Variants in IGSF21 observed in about 807,000 individuals in gnomAD.
IGSF21 encodes immunoglobin superfamily member 21, also known as immunoglobulin superfamily member 21.
In IGSF21, 28 loss-of-function variants were observed where a neutral mutation model predicts 46.8. The ratio of observed to expected loss-of-function variants is 0.60; its 90% confidence interval spans 0.44 to 0.82. The LOEUF (loss-of-function observed/expected upper bound fraction) is 0.82. Ranked by LOEUF, IGSF21 falls within the 40% of genes least tolerant of loss-of-function variation. IGSF21 has a pLI of 0.00. For synonymous variants in IGSF21, 284 were observed against 273.6 expected (o/e 1.04, Z -0.38); for missense variants, 624 against 665.5 (o/e 0.94, Z 0.69).
At chr1:18,276,385 A>G (rs757623956) in intron 2 of IGSF21, among the ~76,000 whole-genome samples, 10 of 152,036 alleles carry the variant, frequency 6.6e-5, no homozygotes, top group Non-Finnish European at 1.0e-4. Context: ...TAGCACCACA[A>G]TGGGATGTCT....
chr1:18,118,899 C>T (rs543990062), intron 1 of IGSF21, among the ~76,000 whole-genome samples: 2 of 150,190 alleles, frequency 1.3e-5, no homozygotes, highest in Non-Finnish European at 3.0e-5. Context: ...TCTTTCTTTC[C>T]TTCCCTCCCT....
intron 2 of IGSF21, among the ~76,000 whole-genome samples, chr1:18,240,786 C>T (rs1002131577): frequency 2.0e-5 from 3 of 152,204 alleles, no homozygotes; most frequent in African/African-American, 4.8e-5. Context: ...AATGGCATGG[C>T]CACCTGTCAA....
intron 1 of IGSF21, among the ~76,000 whole-genome samples, chr1:18,142,054 A>G (rs1255287290): frequency 6.6e-6 from 1 of 152,166 alleles, no homozygotes; most frequent in Non-Finnish European, 1.5e-5. Context: ...TGGGCAACAG[A>G]GTGATACTGT....
At position 18,257,438 on chromosome 1, in the gene IGSF21, AT is replaced by A. The variant is rs573073620; in HGVS notation, c.183+29435del. Among the ~76,000 whole-genome samples, 4 of 152,162 alleles carry A rather than the reference AT, an allele frequency of 2.6e-5. No individual in the cohort carries two copies. In the South Asian group the frequency reaches 8.3e-4, roughly 32 times the overall value. On this transcript the variant is annotated intron_variant, in intron 2 of 9. Coordinates refer to ENST00000251296, the MANE Select transcript of IGSF21 (RefSeq NM_032880.5). ...AAATCATATTTCCACCTGTCATCTA[AT>A]TTTTTTCCCCATCCAACACTATAGA...
intron 3 of IGSF21, among the ~76,000 whole-genome samples, chr1:18,305,241 G>A (rs2085407900): frequency 1.3e-5 from 2 of 151,398 alleles, no homozygotes; most frequent in Admixed American, 6.6e-5. Context: ...TGGATGAATC[G>A]ATGGATGGAT....
intron 2 of IGSF21, among the ~76,000 whole-genome samples, chr1:18,272,428 C>G (rs1335034481): frequency 1.3e-5 from 2 of 152,186 alleles, no homozygotes; most frequent in African/African-American, 4.8e-5. Context: ...TCCTCATCTG[C>G]GTGGAATAAG....
At chr1:18,171,615 C>T (rs1420666154) in intron 1 of IGSF21, among the ~76,000 whole-genome samples, 1 of 152,200 alleles carries the variant, frequency 6.6e-6, no homozygotes, top group Non-Finnish European at 1.5e-5. Context: ...ATTAATCATG[C>T]TAGAGTTGTC....
At chr1:18,277,540 A>G (rs890429432) in intron 2 of IGSF21, among the ~76,000 whole-genome samples, 2 of 152,052 alleles carry the variant, frequency 1.3e-5, no homozygotes, top group Non-Finnish European at 2.9e-5. Flanking sequence ...AGAAATGAAA[A>G]CGTGACTTTT....
At chr1:18,330,501 A>G (rs1416742309) in intron 3 of IGSF21, among the ~76,000 whole-genome samples, 3 of 152,172 alleles carry the variant, frequency 2.0e-5, no homozygotes, top group Non-Finnish European at 4.4e-5. Flanking sequence ...CTGTAGCTGG[A>G]GGAAGGGGCA....
chr1:18,223,970 T>C (rs1374239551), intron 1 of IGSF21, among the ~76,000 whole-genome samples: 1 of 152,200 alleles, frequency 6.6e-6, no homozygotes, highest in Non-Finnish European at 1.5e-5. Flanking sequence ...ATCCCTGGAA[T>C]GGAAGACACA....
intron 2 of IGSF21, among the ~76,000 whole-genome samples, chr1:18,283,516 G>T (rs907348652): frequency 3.9e-5 from 6 of 152,132 alleles, no homozygotes; most frequent in Admixed American, 1.3e-4. Context: ...AGAACAGGTG[G>T]GCAGGGAGGT....
intron 1 of IGSF21, among the ~76,000 whole-genome samples, chr1:18,142,530 G>A (rs1160682494): frequency 2.0e-5 from 3 of 152,138 alleles, no homozygotes; most frequent in Admixed American, 6.5e-5. Context: ...TGGCCCTCGG[G>A]CCCTCCCTGC....
chr1:18,269,953 G>T (rs141125838), intron 2 of IGSF21, among the ~76,000 whole-genome samples: 6 of 152,092 alleles, frequency 3.9e-5, no homozygotes, highest in Non-Finnish European at 8.8e-5. Flanking sequence ...GCATCCTTCC[G>T]GTTCTCTCAG....
chr1:18,198,812 G>A (rs569432055), intron 1 of IGSF21, among the ~76,000 whole-genome samples: 1 of 152,312 alleles, frequency 6.6e-6, no homozygotes, highest in African/African-American at 2.4e-5. Context: ...TACTGCTGGG[G>A]TGTTTTGAGG....
chr1:18,346,188 C>T (rs951656774), intron 4 of IGSF21, among the ~76,000 whole-genome samples: 2 of 152,116 alleles, frequency 1.3e-5, no homozygotes, highest in African/African-American at 2.4e-5. Context: ...GCTCTCAAAG[C>T]CAGGCAGTGA....
chr1:18,111,907 A>G (rs542337150), intron 1 of IGSF21: 6 of 152,286 alleles, frequency 3.9e-5, no homozygotes, highest in African/African-American at 1.4e-4. Flanking sequence ...TGAGTAGAGA[A>G]GGACCCAGGT....
At chr1:18,285,329 C>G (rs755491467) in intron 2 of IGSF21, among the ~76,000 whole-genome samples, 1 of 152,072 alleles carries the variant, frequency 6.6e-6, no homozygotes, top group Non-Finnish European at 1.5e-5. Context: ...CTAAGTCCAC[C>G]GGCCACGCTT....
chr1:18,348,340 C>T (rs909409028), intron 4 of IGSF21, among the ~76,000 whole-genome samples: 1 of 152,188 alleles, frequency 6.6e-6, no homozygotes, highest in African/African-American at 2.4e-5. Flanking sequence ...TCACCAACTC[C>T]CTGGACCTTC....
chr1:18,301,585 C>A (rs1037120760), intron 3 of IGSF21, among the ~76,000 whole-genome samples: 21 of 152,306 alleles, frequency 1.4e-4, no homozygotes, highest in Admixed American at 1.2e-3. Flanking sequence ...AAGTGATGCA[C>A]CCGCCTTGGC....
Sources: gnomAD v4.1 joint callset for allele counts (sites outside exome capture counted in the v4.1 genomes callset) on GRCh38, gnomAD v4.1.1 for gene constraint, MANE v1.5 for transcripts, NCBI Gene and HGNC (gene_info 2026-07-23, HGNC 2026-07-21) for gene names.